The following PLD5 variants were observed in gnomAD, a reference collection of about 807,000 sequenced individuals.
PLD5 encodes the protein inactive phospholipase D5.
PLD5 carries 36 observed loss-of-function variants against 61.1 expected under a neutral mutation model. The observed-to-expected ratio is 0.59, with a 90% confidence interval of 0.45 to 0.78. The LOEUF is 0.78. Among genes scored for constraint, PLD5 ranks in the 30% least tolerant of loss-of-function variants. The probability of loss-of-function intolerance (pLI) is 0.00; values close to 1 mark genes in which losing one functional copy is unlikely to be tolerated. For missense variants in PLD5, 515 were observed against 644.4 expected, an observed-to-expected ratio of 0.80 and a Z score of 2.17; for synonymous variants, 243 against 242.8, an observed-to-expected ratio of 1.00 and a Z score of -0.01.
chr1:242,233,877 G>C (rs1000949837), intron 4 of PLD5, among the ~76,000 whole-genome samples: 1 of 152,148 alleles, frequency 6.6e-6, no homozygotes, highest in African/African-American at 2.4e-5. Context: ...CTCCAACAAA[G>C]TCAGACTAAA....
chr1:242,336,692 T>C (rs1362714292), intron 2 of PLD5, among the ~76,000 whole-genome samples: 2 of 152,172 alleles, frequency 1.3e-5, no homozygotes, highest in African/African-American at 4.8e-5. Context: ...CTGCATTTCA[T>C]TGTAAAACTG....
chr1:242,420,314 T>C (rs945416485), intron 1 of PLD5, among the ~76,000 whole-genome samples: 3 of 152,110 alleles, frequency 2.0e-5, no homozygotes, highest in African/African-American at 4.8e-5. Context: ...TCTAGAGCCC[T>C]CGCCCTCAAT....
intron 5 of PLD5, among the ~76,000 whole-genome samples, chr1:242,205,288 A>G (rs1233857946): frequency 6.6e-6 from 1 of 152,220 alleles, no homozygotes; most frequent in Non-Finnish European, 1.5e-5. Flanking sequence ...GTAATTATAT[A>G]ATTTGAGACT....
intron 5 of PLD5, among the ~76,000 whole-genome samples, chr1:242,173,789 A>C (rs1490054155): frequency 9.2e-5 from 14 of 152,066 alleles, no homozygotes; most frequent in South Asian, 2.1e-4. Context: ...CAAAAACAAG[A>C]AATGGGGAAA....
intron 5 of PLD5, among the ~76,000 whole-genome samples, chr1:242,141,322 G>A (rs1248240351): frequency 7.9e-5 from 12 of 152,048 alleles, no homozygotes; most frequent in South Asian, 4.2e-4. Context: ...CCAGGCTCCC[G>A]ATGACATTTT....
In PLD5 at chr1:242,164,809, T is replaced by G. The variant is rs534661734; in HGVS notation, c.736-40144A>C. On this transcript the variant is annotated intron_variant, in intron 5 of 9. Transcript: ENST00000536534. Reference sequence around the variant, plus strand: ...AGTATACAGTTGCTTAGCACTTCTATACTTGATTTGTATGTGATTAATTTC... The same window carrying G: ...AGTATACAGTTGCTTAGCACTTCTAGACTTGATTTGTATGTGATTAATTTC... 7.9e-5 allele frequency among the ~76,000 whole-genome samples: 12 copies of G among 152,312 alleles called. No individual in the cohort carries two copies. The South Asian group carries it at 2.5e-3, about 32-fold the overall frequency.
chr1:242,396,976 T>A (rs1663619114), intron 1 of PLD5, among the ~76,000 whole-genome samples: 1 of 151,828 alleles, frequency 6.6e-6, no homozygotes, highest in African/African-American at 2.4e-5. Context: ...CCACCCCTGG[T>A]TCTATTTTCT....
chr1:242,304,463 G>A (rs760425198), intron 2 of PLD5, among the ~76,000 whole-genome samples: 12 of 152,150 alleles, frequency 7.9e-5, no homozygotes, highest in Admixed American at 2.0e-4. Flanking sequence ...AGTTTCTTCC[G>A]AGTTGACACA....
chr1:242,203,422 T>G lies in PLD5; in HGVS notation c.735+16566A>C, dbSNP rs1451627081. 2.0e-5 allele frequency: 3 copies of G among 152,268 alleles called. No individual in the cohort carries two copies. In the East Asian group the frequency reaches 5.8e-4, roughly 29 times the overall value. The allele number at this position is 152,268 out of a possible 1,614,324, so 9.4% of individuals were successfully genotyped here. A position where few individuals can be genotyped will look rare whatever the true frequency, so the allele number is the denominator to read the frequency against. ...GAGCAAGCTCTGGATATATAGCTGA[T>G]GTAATCTGGGTGTTTGTTCCCTCCA... On this transcript the variant is annotated intron_variant, in intron 5 of 9. Coordinates refer to ENST00000536534, the MANE Select transcript of PLD5 (RefSeq NM_001372062.1).
chr1:242,104,773 G>A (rs537540805), intron 8 of PLD5, among the ~76,000 whole-genome samples: 4 of 152,168 alleles, frequency 2.6e-5, no homozygotes, highest in Non-Finnish European at 5.9e-5. Context: ...TTCCTGCCTT[G>A]GACTCCCAAA....
chr1:242,234,424 CT>C (rs983698132), intron 4 of PLD5, among the ~76,000 whole-genome samples: 10 of 151,992 alleles, frequency 6.6e-5, no homozygotes, highest in Admixed American at 6.6e-4. Context: ...TGGCATTGAA[CT>C]TTTTTTTCAG....
At chr1:242,487,216 A>T (rs914370968) in intron 1 of PLD5, among the ~76,000 whole-genome samples, 1 of 152,128 alleles carries the variant, frequency 6.6e-6, no homozygotes, top group Non-Finnish European at 1.5e-5. Flanking sequence ...TATATATATA[A>T]AAAAAAGTGA....
intron 7 of PLD5, among the ~76,000 whole-genome samples, chr1:242,112,561 C>CTT (rs963207053): frequency 1.8e-4 from 28 of 152,196 alleles, no homozygotes; most frequent in African/African-American, 6.7e-4. Context: ...AATCTTGCAG[C>CTT]TAAAAGTGCT....
At chr1:242,321,309 C>CT (rs1338641030) in intron 2 of PLD5, among the ~76,000 whole-genome samples, 440 of 144,318 alleles carry the variant, frequency 3.0e-3, no homozygotes, top group South Asian at 0.013. Context: ...CTCTCTCTCT[C>CT]TTTTTTTTTT....
chr1:242,314,137 C>T (rs1331433620), intron 2 of PLD5, among the ~76,000 whole-genome samples: 1 of 152,158 alleles, frequency 6.6e-6, no homozygotes, highest in African/African-American at 2.4e-5. Flanking sequence ...CAACCAGATC[C>T]TTACCAGTGG....
intron 5 of PLD5, among the ~76,000 whole-genome samples, chr1:242,192,833 C>G (rs918296836): frequency 6.6e-6 from 1 of 151,846 alleles, no homozygotes; most frequent in African/African-American, 2.4e-5. Context: ...GTCTCTCTTC[C>G]TGCCCCTTCG....
At chr1:242,133,247 C>G (rs1216225675) in intron 5 of PLD5, among the ~76,000 whole-genome samples, 1 of 152,086 alleles carries the variant, frequency 6.6e-6, no homozygotes, top group Non-Finnish European at 1.5e-5. Context: ...TGTAACTTCA[C>G]TTTAGCCTCT....
rs34280777 is a variant in PLD5 at position 242,168,846 on chromosome 1, G to GTTTTTTTTTTTTTTTTTTTTTTTTT, written c.736-44182_736-44181insAAAAAAAAAAAAAAAAAAAAAAAAA. 7.2e-5 allele frequency among the ~76,000 whole-genome samples: 8 copies of GTTTTTTTTTTTTTTTTTTTTTTTTT among 111,276 alleles called. 1 individual carries two copies. Among genetic ancestry groups the GTTTTTTTTTTTTTTTTTTTTTTTTT allele is most frequent in the African/African-American group, 3.0e-4 (8 of 26,792 alleles). The allele number at this position is 111,276 out of a possible 152,430, so 73.0% of individuals were successfully genotyped here. A position where few individuals can be genotyped will look rare whatever the true frequency, so the allele number is the denominator to read the frequency against. On this transcript the variant is annotated intron_variant, in intron 5 of 9. Transcript: ENST00000536534. ...TCCATGACAGTTTTTAATTAATGAAGTTTTTTTTTTTTTTTTTTTTACCAC... is the reference window on the plus strand; with the variant it reads ...TCCATGACAGTTTTTAATTAATGAAGTTTTTTTTTTTTTTTTTTTTTTTTTTTTTTTTTTTTTTTTTTTTTACCAC...
At chr1:242,464,841 A>T (rs1161541283) in intron 1 of PLD5, among the ~76,000 whole-genome samples, 1 of 152,232 alleles carries the variant, frequency 6.6e-6, no homozygotes, top group Non-Finnish European at 1.5e-5. Flanking sequence ...TGAAGTGCTG[A>T]CACATGCTAC....
Sources: allele counts gnomAD v4.1 joint callset (sites outside exome capture counted in the v4.1 genomes callset), GRCh38; gene constraint gnomAD v4.1.1; transcripts MANE v1.5; gene names NCBI Gene and HGNC (gene_info 2026-07-23, HGNC 2026-07-21).